The following COL5A1 variants were observed in gnomAD, a reference collection of about 807,000 sequenced individuals.
The protein encoded by COL5A1 is collagen alpha-1(V) chain.
Under a neutral mutation model 263.7 loss-of-function variants are expected in COL5A1, and 16 were observed. The ratio of observed to expected loss-of-function variants is 0.06; its 90% CI spans 0.04 to 0.09. COL5A1 has a LOEUF of 0.09. Ranked by LOEUF, COL5A1 falls within the 10% of genes least tolerant of loss-of-function variation. The pLI is 1.00. For missense variants in COL5A1, 2,036 were observed against 2,540.5 expected (o/e 0.80, Z 4.27); for synonymous variants, 1,012 against 1,004.5 (o/e 1.01, Z -0.14).
chr9:134,701,425 G>C lies in COL5A1; in HGVS notation c.654+92G>C, dbSNP rs992288114. 11 of 1,315,926 alleles carry C rather than the reference G, an allele frequency of 8.4e-6. No individual in the cohort carries two copies. In the South Asian group the frequency reaches 8.7e-5, roughly 10 times the overall value. The allele number at this position is 1,315,926 out of a possible 1,614,324, so 81.5% of individuals were successfully genotyped here. On this transcript the variant is annotated intron_variant, in intron 4 of 65. Transcript: ENST00000371817. ...GCTGTTGGAGGAGGCTCCTCGGGCC[G>C]GGACCGGCTGGCGGTCCACTGTGGT...
chr9:134,824,541 A>G, intron 61 of COL5A1, 59 bp from the exon 62 acceptor site: 1 of 1,606,922 alleles, frequency 6.2e-7, no homozygotes, highest in Admixed American at 1.7e-5. Flanking sequence ...TGCTCTGCTC[A>G]TATCCTGGGA....
chr9:134,804,299 G>T (rs1484464913), intron 39 of COL5A1, among the ~76,000 whole-genome samples: 1 of 152,170 alleles, frequency 6.6e-6, no homozygotes, highest in East Asian at 1.9e-4. Context: ...CTCCATGTTG[G>T]ACCCCAGAGA....
At chr9:134,779,273 CA>C (rs1319294293) in intron 27 of COL5A1, among the ~76,000 whole-genome samples, 1 of 152,190 alleles carries the variant, frequency 6.6e-6, no homozygotes, top group Non-Finnish European at 1.5e-5. Context: ...ACATTAACAG[CA>C]AGGGTGTGGC....
intron 39 of COL5A1, among the ~76,000 whole-genome samples, chr9:134,804,475 G>C (rs1188976544): frequency 6.6e-6 from 1 of 152,064 alleles, no homozygotes; most frequent in Non-Finnish European, 1.5e-5. Flanking sequence ...TTCTTTGTCT[G>C]AGCACGGTCT....
At chr9:134,740,591 CCTT>C (rs1477874133) in intron 11 of COL5A1, among the ~76,000 whole-genome samples, 4 of 152,348 alleles carry the variant, frequency 2.6e-5, no homozygotes, top group East Asian at 3.9e-4. Flanking sequence ...GCTCCGTCCT[CCTT>C]CTATCCATCC....
At chr9:134,762,136 G>A (rs1002604944) in intron 19 of COL5A1, among the ~76,000 whole-genome samples, 158 bp downstream of exon 19, 3 of 152,220 alleles carry the variant, frequency 2.0e-5, no homozygotes, top group African/African-American at 4.8e-5. Context: ...TGGGCAAAGC[G>A]ATTGATCAGA....
chr9:134,803,700 G>T (rs1191438123), intron 39 of COL5A1, among the ~76,000 whole-genome samples: 1 of 152,080 alleles, frequency 6.6e-6, no homozygotes, highest in African/African-American at 2.4e-5. Flanking sequence ...AAAATTAGCT[G>T]GGTGTGGTGG....
Position 134,842,081 on chromosome 9 carries a change from T to C in COL5A1, c.5371-76T>C, listed in dbSNP as rs1167995701. ...AGCCTGGGTTTTGGAGCCAGACAGA[T>C]TGTGGGGGGTGATTGGTAAACCCCA... On this transcript the variant is annotated intron_variant, in intron 65 of 65. Coordinates refer to ENST00000371817, the MANE Select transcript of COL5A1 (RefSeq NM_000093.5). The surrounding 1 kb of genome is among the most constrained non-coding windows in gnomAD (Gnocchi z 5.8). 3 of 1,565,562 alleles carry C rather than the reference T, an allele frequency of 1.9e-6. No homozygotes were observed. The highest frequency in any genetic ancestry group is 2.6e-6 in the Non-Finnish European group (3 of 1,137,494).
At chr9:134,670,533 G>A (rs1433387091) in intron 1 of COL5A1, among the ~76,000 whole-genome samples, 1 of 152,078 alleles carries the variant, frequency 6.6e-6, no homozygotes, top group Admixed American at 6.5e-5. Context: ...TTAATGCTTG[G>A]GCCCTGGTGT....
intron 58 of COL5A1, 43 bp downstream of exon 58, chr9:134,820,266 AT>A: frequency 6.6e-7 from 1 of 1,515,790 alleles, no homozygotes; most frequent in Non-Finnish European, 9.2e-7. Flanking sequence ...GTCGAGAGGC[AT>A]TTTAGATCCC....
chr9:134,650,097 A>G (rs776079563), intron 1 of COL5A1, among the ~76,000 whole-genome samples: 7 of 152,194 alleles, frequency 4.6e-5, no homozygotes, highest in Non-Finnish European at 7.3e-5. Flanking sequence ...TGACAGGTTA[A>G]TGGGTGCAGC....
chr9:134,784,944 G>GTGTA (rs775422877), intron 29 of COL5A1, 45 bp from the exon 30 acceptor site: 3 of 1,269,868 alleles, frequency 2.4e-6, no homozygotes, highest in Non-Finnish European at 3.3e-6. Flanking sequence ...AGAATAGTGT[G>GTGTA]TGTGCGGGGG....
chr9:134,805,464 CCA>C (rs1289985632), intron 41 of COL5A1, among the ~76,000 whole-genome samples: 3 of 152,180 alleles, frequency 2.0e-5, no homozygotes, highest in Non-Finnish European at 4.4e-5. Flanking sequence ...GCGGGAGGAG[CCA>C]CTCTGTGTTG....
rs368777793 is a variant in COL5A1 at position 134,703,804 on chromosome 9, A to AT, written c.654+2479dup. Among the ~76,000 whole-genome samples the AT allele has an allele frequency of 1.8e-3, 270 of 151,232 alleles. No homozygotes were observed. The Middle Eastern group carries it at 0.024, about 13-fold the overall frequency. On this transcript the variant is annotated intron_variant, in intron 4 of 65. Transcript: ENST00000371817. ...AGGCGCCCGCCACCACACCCAGCTA[A>AT]TTTTTTTTGTATTTTTAGTAGAGAT...
intron 1 of COL5A1, among the ~76,000 whole-genome samples, chr9:134,685,877 A>G (rs533997215): frequency 5.6e-5 from 8 of 142,500 alleles, no homozygotes; most frequent in Admixed American, 4.9e-4. Context: ...TCCATCATCC[A>G]TCCATCCACC....
Position 134,820,274 on chromosome 9 carries a change from T to A in COL5A1, c.4554+51T>A, listed in dbSNP as rs764164713. On this transcript the variant is annotated intron_variant, in intron 58 of 65. Coordinates refer to ENST00000371817, the MANE Select transcript of COL5A1 (RefSeq NM_000093.5). ...GTGGGCTGTCGAGAGGCATTTTAGA[T>A]CCCTGGGGCAGGCACCCAGGGGACA... 19 of 1,474,216 alleles carry A rather than the reference T, an allele frequency of 1.3e-5. No homozygotes were observed. In the South Asian group the frequency reaches 2.2e-4, roughly 17 times the overall value. The allele number at this position is 1,474,216 out of a possible 1,614,324, so 91.3% of individuals were successfully genotyped here. A position where few individuals can be genotyped will look rare whatever the true frequency, so the allele number is the denominator to read the frequency against.
chr9:134,822,010 C>A, intron 58 of COL5A1, 87 bp from the exon 59 acceptor site: 2 of 1,184,434 alleles, frequency 1.7e-6, no homozygotes, highest in East Asian at 2.3e-5. Context: ...ACAGGGGAGC[C>A]GAGGGGTGTG....
At chr9:134,694,263 A>G (rs1833384238) in intron 2 of COL5A1, among the ~76,000 whole-genome samples, 1 of 152,246 alleles carries the variant, frequency 6.6e-6, no homozygotes, top group Non-Finnish European at 1.5e-5. Context: ...TGAGCTGAGC[A>G]GGTGACTGGG....
chr9:134,748,630 A>T (rs1835662726), intron 11 of COL5A1, among the ~76,000 whole-genome samples: 1 of 152,212 alleles, frequency 6.6e-6, no homozygotes, highest in Non-Finnish European at 1.5e-5. Context: ...GTCTTCTGAG[A>T]GTGTTTTCCA....
Sources: allele counts gnomAD v4.1 joint callset (sites outside exome capture counted in the v4.1 genomes callset), GRCh38; gene constraint gnomAD v4.1.1; non-coding constraint Gnocchi (gnomAD v3.1); transcripts MANE v1.5; gene names NCBI Gene and HGNC (gene_info 2026-07-23, HGNC 2026-07-21).